The following RBMS3 variants were observed in gnomAD, a reference collection of about 807,000 sequenced individuals.
RBMS3 encodes RNA-binding motif, single-stranded-interacting protein 3.
A neutral mutation model predicts 66.8 loss-of-function variants in RBMS3; 27 were observed. The ratio of observed to expected loss-of-function variants is 0.40; its 90% CI spans 0.30 to 0.56. The LOEUF (loss-of-function observed/expected upper bound fraction) is 0.56, where lower values mean the gene tolerates loss of function less well. RBMS3 is among the 20% of genes least tolerant of loss of function. RBMS3 has a pLI of 0.40. For missense variants in RBMS3, 513 were observed against 549.5 expected, an observed-to-expected ratio of 0.93 and a Z score of 0.66; for synonymous variants, 188 against 183.0, an observed-to-expected ratio of 1.03 and a Z score of -0.22.
chr3:29,421,794 C>A (rs1055278010), intron 1 of RBMS3, among the ~76,000 whole-genome samples: 5 of 152,272 alleles, frequency 3.3e-5, no homozygotes, highest in East Asian at 1.9e-4. Context: ...GAAGGACATT[C>A]TTTGACTTAT....
intron 12 of RBMS3, among the ~76,000 whole-genome samples, chr3:29,973,273 G>T (rs1464850568): frequency 2.0e-5 from 3 of 152,020 alleles, no homozygotes; most frequent in Non-Finnish European, 4.4e-5. Context: ...AAATTCAAAT[G>T]TGAAATAGAA....
chr3:29,587,159 C>T lies in RBMS3; in HGVS notation c.353C>T (p.Ala118Val). The T allele has an allele frequency of 1.3e-6, 2 of 1,592,574 alleles. No individual in the cohort carries two copies. Among genetic ancestry groups the T allele is most frequent in the East Asian group, 2.3e-5 (1 of 43,332 alleles). ...DFDSPAAAQK[A>V]VASLKANGVQ... is the part of the protein sequence containing the mutation. ...GACAGTCCTGCAGCCGCACAGAAAG[C>T]GGTAGCATCTCTCAAGGCAAATGGC... The change falls in exon 4 of 15, where the codon GCG becomes GTG. Residue 118 changes from alanine to valine, a missense_variant. Coordinates refer to ENST00000383767, the MANE Select transcript of RBMS3 (RefSeq NM_001003793.3).
chr3:29,885,044 G>A (rs578230880), intron 8 of RBMS3, among the ~76,000 whole-genome samples: 2 of 151,622 alleles, frequency 1.3e-5, no homozygotes, highest in Non-Finnish European at 2.9e-5. Context: ...AAAATCTGTG[G>A]GATATTGAAA....
chr3:29,691,147 A>G (rs1330340380), intron 4 of RBMS3, among the ~76,000 whole-genome samples: 1 of 152,196 alleles, frequency 6.6e-6, no homozygotes, highest in African/African-American at 2.4e-5. Flanking sequence ...TGCCAGTCAT[A>G]TTTTGACATC....
At chr3:29,340,756 G>A (rs563504834) in intron 1 of RBMS3, among the ~76,000 whole-genome samples, 32 of 152,138 alleles carry the variant, frequency 2.1e-4, no homozygotes, top group Middle Eastern at 3.4e-3. Flanking sequence ...TATGTGCTTC[G>A]CTTTTTCAGT....
intron 1 of RBMS3, among the ~76,000 whole-genome samples, chr3:29,338,161 C>CT (rs570391868): frequency 1.2e-4 from 19 of 152,158 alleles, no homozygotes; most frequent in African/African-American, 3.9e-4. Flanking sequence ...TCTCTTTAAG[C>CT]TTTTTTTAAA....
intron 1 of RBMS3, among the ~76,000 whole-genome samples, chr3:29,327,918 A>G (rs895815356): frequency 1.3e-5 from 2 of 152,190 alleles, no homozygotes; most frequent in African/African-American, 4.8e-5. Context: ...TTTTTTGAGG[A>G]TGAAATAAAG....
intron 2 of RBMS3, among the ~76,000 whole-genome samples, chr3:29,446,915 T>G (rs1279435451): frequency 7.0e-6 from 1 of 143,546 alleles, no homozygotes; most frequent in Non-Finnish European, 1.5e-5. Context: ...TCTTTTTTTT[T>G]TTTTTTTTTT....
rs374875823 is a variant in RBMS3, at chr3:29,991,225, G to A, written c.1307+16G>A. On this transcript the variant is annotated intron_variant, in intron 14 of 14. Coordinates refer to ENST00000383767, the MANE Select transcript of RBMS3 (RefSeq NM_001003793.3). ...AACAGTCTAAGTAAGTCTGGGCTGT[G>A]CTAAGCTCTTTTCCTCAAGATCAGC... 3.7e-6 allele frequency: 6 copies of A among 1,613,804 alleles called. No individual in the cohort carries two copies. The African/African-American group carries it at 4.0e-5, about 11-fold the overall frequency.
chr3:29,502,626 C>T (rs913780447), intron 3 of RBMS3, among the ~76,000 whole-genome samples: 1 of 152,008 alleles, frequency 6.6e-6, no homozygotes, highest in Admixed American at 6.6e-5. Flanking sequence ...AGCACATGTT[C>T]CTTTTGAAAA....
rs1160639313 is a variant in RBMS3, at chr3:29,602,402, G to T, written c.399+15197G>T. Among the ~76,000 whole-genome samples the T allele has an allele frequency of 2.6e-5, 4 of 151,960 alleles. No individual in the cohort carries two copies. In the East Asian group the frequency reaches 5.8e-4, roughly 22 times the overall value. On this transcript the variant is annotated intron_variant, in intron 4 of 14. Coordinates refer to ENST00000383767, the MANE Select transcript of RBMS3 (RefSeq NM_001003793.3). Reference sequence around the variant, plus strand: ...ATAACGTCCAGGAAATTAGTAACTTGTGCATATGGTAAATGCTCCAATCCC... The same window carrying T: ...ATAACGTCCAGGAAATTAGTAACTTTTGCATATGGTAAATGCTCCAATCCC...
intron 6 of RBMS3, among the ~76,000 whole-genome samples, chr3:29,814,509 G>C (rs901317549): frequency 3.3e-4 from 51 of 152,286 alleles, no homozygotes; most frequent in Admixed American, 3.9e-4. Context: ...ATGAGTTAGG[G>C]AGGATTCCCT....
At chr3:29,811,744 G>A (rs1306541412) in intron 6 of RBMS3, among the ~76,000 whole-genome samples, 1 of 152,040 alleles carries the variant, frequency 6.6e-6, no homozygotes, top group South Asian at 2.1e-4. Context: ...CTTCTCAAAG[G>A]TACCCCTAAA....
At chr3:29,633,613 T>G (rs879825092) in intron 4 of RBMS3, among the ~76,000 whole-genome samples, 1 of 151,750 alleles carries the variant, frequency 6.6e-6, no homozygotes, top group East Asian at 1.9e-4. Context: ...ATGTGGCTAA[T>G]GGGCACAAAC....
intron 6 of RBMS3, among the ~76,000 whole-genome samples, chr3:29,820,291 C>T (rs2058044530): frequency 7.6e-6 from 1 of 132,366 alleles, no homozygotes; most frequent in Non-Finnish European, 1.6e-5. Flanking sequence ...ATTTATTTAA[C>T]TGAAATGTTG....
chr3:29,470,419 C>T (rs1249217962), intron 2 of RBMS3, among the ~76,000 whole-genome samples: 4 of 152,048 alleles, frequency 2.6e-5, no homozygotes, highest in Non-Finnish European at 5.9e-5. Flanking sequence ...GTATCAACAA[C>T]TTTAAATAGC....
intron 4 of RBMS3, among the ~76,000 whole-genome samples, chr3:29,594,358 C>T (rs1024153572): frequency 6.6e-6 from 1 of 151,924 alleles, no homozygotes; most frequent in African/African-American, 2.4e-5. Context: ...TATTGTTGTA[C>T]CAGTGGGTGT....
chr3:29,521,988 G>A (rs1033523118), intron 3 of RBMS3, among the ~76,000 whole-genome samples: 1 of 152,182 alleles, frequency 6.6e-6, no homozygotes, highest in Non-Finnish European at 1.5e-5. Context: ...AGTTTGGAAT[G>A]TTCTTTATCT....
At chr3:29,391,667 G>A (rs773717995) in intron 1 of RBMS3, among the ~76,000 whole-genome samples, 23 of 152,160 alleles carry the variant, frequency 1.5e-4, no homozygotes, top group Non-Finnish European at 2.8e-4. Context: ...AAGTCATATG[G>A]GAAGGGTTAG....
Sources: allele counts gnomAD v4.1 joint callset (sites outside exome capture counted in the v4.1 genomes callset), GRCh38; gene constraint gnomAD v4.1.1; transcripts MANE v1.5; gene names NCBI Gene and HGNC (gene_info 2026-07-23, HGNC 2026-07-21).